The following PRICKLE1 variants were observed in gnomAD, a reference collection of about 807,000 sequenced individuals.
PRICKLE1 encodes prickle-like protein 1.
PRICKLE1 carries 14 observed loss-of-function variants against 70.2 expected under a neutral mutation model. That is an observed-to-expected ratio of 0.20 (90% CI 0.13 to 0.31). The LOEUF is 0.31. Among genes scored for constraint, PRICKLE1 ranks in the 10% least tolerant of loss-of-function variants. The pLI, the probability that PRICKLE1 is intolerant of heterozygous loss-of-function variation, is 1.00. For missense variants in PRICKLE1, 821 were observed against 1,026.2 expected, an observed-to-expected ratio of 0.80 and a Z score of 2.73; for synonymous variants, 357 against 379.9, an observed-to-expected ratio of 0.94 and a Z score of 0.70.
intron 5 of PRICKLE1, among the ~76,000 whole-genome samples, chr12:42,468,416 C>T (rs531179274): frequency 5.5e-4 from 83 of 152,222 alleles, no homozygotes; most frequent in South Asian, 1.7e-3. Flanking sequence ...AAATTAATTG[C>T]GGTTTTGACC....
At chr12:42,560,768 TCACACACACACA>T (rs71084672) in intron 1 of PRICKLE1, among the ~76,000 whole-genome samples, 7,594 of 127,674 alleles carry the variant, frequency 0.059, 221 homozygotes, top group Admixed American at 0.067. Flanking sequence ...GCCCATCTTC[TCACACACACACA>T]CACACACACA....
At position 42,500,052 on chromosome 12, in the gene PRICKLE1, C is replaced by T. The variant is rs1333122166; in HGVS notation, c.-48-27488G>A. On this transcript the variant is annotated intron_variant, in intron 1 of 7. Coordinates refer to ENST00000345127, the MANE Select transcript of PRICKLE1 (RefSeq NM_153026.3). ...AGGCATGAGCCACCGTGCCCATCCA[C>T]GGCCTAGAAATTTTTAATACCATAT... Among the ~76,000 whole-genome samples, 6 of 151,616 alleles carry T rather than the reference C, an allele frequency of 4.0e-5. No homozygotes were observed. In the East Asian group the frequency reaches 7.7e-4, roughly 19 times the overall value.
At chr12:42,522,853 C>G (rs1168996148) in intron 1 of PRICKLE1, among the ~76,000 whole-genome samples, 2 of 152,048 alleles carry the variant, frequency 1.3e-5, no homozygotes, top group Non-Finnish European at 2.9e-5. Flanking sequence ...AGTGGACTCT[C>G]ATGAAGAAAG....
intron 5 of PRICKLE1, among the ~76,000 whole-genome samples, chr12:42,467,350 C>T (rs1320429579): frequency 6.6e-6 from 1 of 152,160 alleles, no homozygotes; most frequent in African/African-American, 2.4e-5. Flanking sequence ...CTCTTGACCT[C>T]GTGATCTGCC....
intron 1 of PRICKLE1, among the ~76,000 whole-genome samples, chr12:42,543,586 G>A (rs944566677): frequency 2.6e-5 from 4 of 151,994 alleles, no homozygotes; most frequent in Admixed American, 1.3e-4. Context: ...GCAGTGGCGC[G>A]ATCTTGGCTC....
chr12:42,541,713 C>T (rs1175804965), intron 1 of PRICKLE1, among the ~76,000 whole-genome samples: 2 of 152,156 alleles, frequency 1.3e-5, no homozygotes, highest in Non-Finnish European at 2.9e-5. Flanking sequence ...GTAACATCCT[C>T]CAAGGCTGGC....
intron 7 of PRICKLE1, among the ~76,000 whole-genome samples, chr12:42,463,070 C>A (rs1027383725): frequency 6.6e-6 from 1 of 152,174 alleles, no homozygotes; most frequent in Non-Finnish European, 1.5e-5. Flanking sequence ...CCTGTAATCC[C>A]AGCACTTTGG....
At chr12:42,509,479 T>C (rs906049061) in intron 1 of PRICKLE1, among the ~76,000 whole-genome samples, 2 of 152,168 alleles carry the variant, frequency 1.3e-5, no homozygotes, top group Non-Finnish European at 1.5e-5. Context: ...TTCCCTGCCT[T>C]ATTCTGCTCA....
intron 1 of PRICKLE1, among the ~76,000 whole-genome samples, chr12:42,585,144 T>TA (rs1428362381): frequency 2.0e-5 from 3 of 152,198 alleles, no homozygotes; most frequent in Non-Finnish European, 4.4e-5. Flanking sequence ...ATTGGTCAGT[T>TA]GACTTTTAGG....
intron 1 of PRICKLE1, among the ~76,000 whole-genome samples, chr12:42,552,036 C>G (rs1222897852): frequency 1.3e-5 from 2 of 151,162 alleles, no homozygotes; most frequent in African/African-American, 4.9e-5. Context: ...CCATTCACAA[C>G]CTGTACACAT....
chr12:42,540,620 T>C (rs1224780934), intron 1 of PRICKLE1, among the ~76,000 whole-genome samples: 1 of 152,126 alleles, frequency 6.6e-6, no homozygotes, highest in East Asian at 1.9e-4. Context: ...TGGAGTACAA[T>C]AGTGTGACCT....
intron 1 of PRICKLE1, among the ~76,000 whole-genome samples, chr12:42,508,791 AGAC>A (rs1300692465): frequency 6.6e-6 from 1 of 152,112 alleles, no homozygotes; most frequent in Non-Finnish European, 1.5e-5. Flanking sequence ...TCTGGAATGG[AGAC>A]GAACAGGGCT....
chr12:42,555,508 C>A (rs1940399630), intron 1 of PRICKLE1, among the ~76,000 whole-genome samples: 1 of 152,044 alleles, frequency 6.6e-6, no homozygotes, highest in Non-Finnish European at 1.5e-5. Flanking sequence ...AATTTAAAAC[C>A]TTTCACAACA....
rs556843160 is a variant in PRICKLE1, at chr12:42,584,814, G to A, written c.-49+4651C>T. Among the ~76,000 whole-genome samples, 9 of 152,246 alleles carry A rather than the reference G, an allele frequency of 5.9e-5. No individual in the cohort carries two copies. The East Asian group carries it at 1.2e-3, about 20-fold the overall frequency. The stretch of plus-strand genomic sequence containing the variant: ...GAAGGGCAGCTGAGCAAGAGTGCTC[G>A]GCATGGAGGAGTCTACTTACGGGTC... On this transcript the variant is annotated intron_variant, in intron 1 of 7. Transcript: ENST00000345127.
chr12:42,497,340 T>C (rs1212941395), intron 1 of PRICKLE1, among the ~76,000 whole-genome samples: 1 of 151,604 alleles, frequency 6.6e-6, no homozygotes, highest in Non-Finnish European at 1.5e-5. Flanking sequence ...GGTCAGGAGA[T>C]CAAGATCATC....
rs1010437734 is a variant in PRICKLE1 at position 42,506,251 on chromosome 12, C to G, written c.-48-33687G>C. 2.6e-4 allele frequency among the ~76,000 whole-genome samples: 12 copies of G among 45,762 alleles called. 1 individual carries two copies. The highest frequency in any genetic ancestry group is 1.3e-3 in the African/African-American group (10 of 7,788). The allele number at this position is 45,762 out of a possible 152,430, so 30.0% of individuals were successfully genotyped here. On this transcript the variant is annotated intron_variant, in intron 1 of 7. Coordinates refer to ENST00000345127, the MANE Select transcript of PRICKLE1 (RefSeq NM_153026.3). ...ATATAAGTAAAAAATGTTCTTTTTT[C>G]TTTCTTTCTTTTTTTTTTTTTTTGA...
chr12:42,469,695 G>C (rs1036220765), intron 3 of PRICKLE1, 108 bp from the exon 4 acceptor site: 8 of 1,425,318 alleles, frequency 5.6e-6, no homozygotes, highest in Non-Finnish European at 7.8e-6. Context: ...AGTTTAGCTC[G>C]CCTGTGTCAC....
At position 42,459,227 on chromosome 12, in the gene PRICKLE1, A is replaced by T. The variant is rs1330035068; in HGVS notation, c.*582T>A. The T allele has an allele frequency of 8.6e-6, 6 of 695,754 alleles. 1 individual carries two copies. Among genetic ancestry groups the T allele is most frequent in the Middle Eastern group, 2.4e-4 (1 of 4,222 alleles). 43.1% of individuals were successfully genotyped at this position (695,754 alleles called of 1,614,324 possible). A position where few individuals can be genotyped will look rare whatever the true frequency, so the allele number is the denominator to read the frequency against. On this transcript the variant is annotated 3_prime_UTR_variant, in exon 8 of 8. Transcript: ENST00000345127. ...TTAGGAATACACTTAAGTCTATGAA[A>T]TACTAAGTTATAAATAGCAATGTTT...
intron 1 of PRICKLE1, among the ~76,000 whole-genome samples, chr12:42,513,691 T>TA (rs1939556196): frequency 6.6e-6 from 1 of 152,168 alleles, no homozygotes; most frequent in Non-Finnish European, 1.5e-5. Flanking sequence ...GTGTCTCCTT[T>TA]AAAAAATTAT....
Sources: allele counts gnomAD v4.1 joint callset (sites outside exome capture counted in the v4.1 genomes callset), GRCh38; gene constraint gnomAD v4.1.1; transcripts MANE v1.5; gene names NCBI Gene and HGNC (gene_info 2026-07-23, HGNC 2026-07-21).